Variants in NUDT19 observed in about 807,000 individuals in gnomAD.
The protein encoded by NUDT19 is nudix hydrolase 19.
In NUDT19, 31 loss-of-function variants were observed where a neutral mutation model predicts 22.2. The ratio of observed to expected loss-of-function variants is 1.40; its 90% CI spans 1.05 to 1.89. The LOEUF (loss-of-function observed/expected upper bound fraction) is 1.89. Among genes scored for constraint, NUDT19 ranks in the 40% most tolerant of loss-of-function variants. The pLI is 0.00. For synonymous variants in NUDT19, 325 were observed against 230.8 expected, an observed-to-expected ratio of 1.41 and a Z score of -3.70; for missense variants, 752 against 514.2, an observed-to-expected ratio of 1.46 and a Z score of -4.47.
intron 1 of NUDT19, among the ~76,000 whole-genome samples, chr19:32,692,910 A>C (rs1206019183): frequency 6.6e-6 from 1 of 152,278 alleles, no homozygotes; most frequent in East Asian, 1.9e-4. Context: ...CTGTCTCTCC[A>C]CGTGGTTCCT....
chr19:32,703,465 C>G (rs949316060), intron 1 of NUDT19, among the ~76,000 whole-genome samples: 1 of 152,086 alleles, frequency 6.6e-6, no homozygotes, highest in African/African-American at 2.4e-5. Flanking sequence ...TCTCCTGCCT[C>G]AGCCTCCCAG....
At position 32,694,948 on chromosome 19, in the gene NUDT19, A is replaced by C. The variant is rs189489412; in HGVS notation, c.714+2274A>C. Among the ~76,000 whole-genome samples, 5 of 152,324 alleles carry C rather than the reference A, an allele frequency of 3.3e-5. No homozygotes were observed. The East Asian group carries it at 7.7e-4, about 24-fold the overall frequency. On this transcript the variant is annotated intron_variant, in intron 1 of 2. Coordinates refer to ENST00000397061, the MANE Select transcript of NUDT19 (RefSeq NM_001105570.2). ...CTTTTTCCTTAATCGCCCAGGAGGA[A>C]ACATCTATCATCCTGTCCTGAAGGG...
chr19:32,701,091 A>G lies in NUDT19; in HGVS notation c.715-8094A>G, dbSNP rs529192979. Among the ~76,000 whole-genome samples, 86 of 150,946 alleles carry G rather than the reference A, an allele frequency of 5.7e-4. 1 individual carries two copies. The highest frequency in any genetic ancestry group is 1.1e-3 in the Non-Finnish European group (76 of 67,934). On this transcript the variant is annotated intron_variant, in intron 1 of 2. Coordinates refer to ENST00000397061, the MANE Select transcript of NUDT19 (RefSeq NM_001105570.2). Reference sequence around the variant, plus strand: ...TGTTTTATGGCCATGAATATGTTCTATCTTGGTGAATGTTCCCTTTGCACC... The same window carrying G: ...TGTTTTATGGCCATGAATATGTTCTGTCTTGGTGAATGTTCCCTTTGCACC...
At position 32,692,085 on chromosome 19, in the gene NUDT19, T is replaced by G; in HGVS notation, c.125T>G (p.Phe42Cys). ...TCGCGCCCGCCGCCGGCCGAGGGCT[T>G]CCGGCTGCTGCTGCTGCAGCGCTCC... Reference protein sequence around the residue: ...PPSRPPPAEGFRLLLLQRSPH... With the variant: ...PPSRPPPAEGCRLLLLQRSPH... Residue 42 changes from phenylalanine (F) to cysteine (C), a missense_variant, in exon 1 of 3, where the codon TTC becomes TGC. Coordinates refer to ENST00000397061, the MANE Select transcript of NUDT19 (RefSeq NM_001105570.2). The G allele has an allele frequency of 7.4e-7, 1 of 1,344,404 alleles. No homozygotes were observed. The highest frequency in any genetic ancestry group is 9.5e-7 in the Non-Finnish European group (1 of 1,051,520). The allele number at this position is 1,344,404 out of a possible 1,614,324, so 83.3% of individuals were successfully genotyped here.
rs746085881 is a variant in NUDT19 at position 32,695,944 on chromosome 19, C to T, written c.714+3270C>T. Among the ~76,000 whole-genome samples the T allele has an allele frequency of 7.2e-4, 109 of 152,212 alleles. 1 individual carries two copies. Among genetic ancestry groups the T allele is most frequent in the Non-Finnish European group, 1.2e-3 (80 of 68,046 alleles). ...GGGGGAAGAGGTTTACTTTCAAGTACGGTTACATCACTAACTGTGGCATAA... is the reference window on the plus strand; with the variant it reads ...GGGGGAAGAGGTTTACTTTCAAGTATGGTTACATCACTAACTGTGGCATAA... On this transcript the variant is annotated intron_variant, in intron 1 of 2. Transcript: ENST00000397061.
At chr19:32,697,847 A>C (rs1968283260) in intron 1 of NUDT19, among the ~76,000 whole-genome samples, 1 of 152,170 alleles carries the variant, frequency 6.6e-6, no homozygotes, top group Non-Finnish European at 1.5e-5. Context: ...AAGCTTCCCA[A>C]GGTCTGCCTT....
chr19:32,712,881 T>C lies in NUDT19; in HGVS notation c.*924T>C, dbSNP rs1273489619. Reference sequence around the variant, plus strand: ...CAAAAATTTAAATAACATGTTCTGCTGTTTATTGTTCTTGTTATCCACTGT... The same window carrying C: ...CAAAAATTTAAATAACATGTTCTGCCGTTTATTGTTCTTGTTATCCACTGT... On this transcript the variant is annotated 3_prime_UTR_variant, in exon 3 of 3. Coordinates refer to ENST00000397061, the MANE Select transcript of NUDT19 (RefSeq NM_001105570.2). 6.6e-6 allele frequency: 1 copy of C among 152,242 alleles called. No homozygotes were observed. Among genetic ancestry groups the C allele is most frequent in the African/African-American group, 2.4e-5 (1 of 41,462 alleles). 9.4% of individuals were successfully genotyped at this position (152,242 alleles called of 1,614,324 possible).
chr19:32,707,443 T>C (rs534884751), intron 1 of NUDT19, among the ~76,000 whole-genome samples: 8 of 152,224 alleles, frequency 5.3e-5, no homozygotes, highest in Non-Finnish European at 1.2e-4. Context: ...CTTGCAAACC[T>C]TTGACCTACA....
intron 1 of NUDT19, among the ~76,000 whole-genome samples, chr19:32,693,203 T>C (rs969673643): frequency 6.6e-6 from 1 of 152,192 alleles, no homozygotes; most frequent in South Asian, 2.1e-4. Context: ...TTCTTAAAGA[T>C]GGTGTGTCCA....
At chr19:32,710,307 C>T (rs1366501425) in intron 2 of NUDT19, among the ~76,000 whole-genome samples, 12 of 151,454 alleles carry the variant, frequency 7.9e-5, no homozygotes, top group African/African-American at 2.2e-4. Flanking sequence ...AGCCACTGTG[C>T]CCAGCCAACT....
intron 1 of NUDT19, among the ~76,000 whole-genome samples, chr19:32,699,304 C>T (rs1224174543): frequency 6.6e-6 from 1 of 152,162 alleles, no homozygotes; most frequent in South Asian, 2.1e-4. Flanking sequence ...GGCATTAGGA[C>T]CCAGGAGGCA....
intron 1 of NUDT19, among the ~76,000 whole-genome samples, chr19:32,692,952 T>C (rs1376247880): frequency 2.0e-5 from 3 of 152,382 alleles, no homozygotes; most frequent in Non-Finnish European, 1.5e-5. Context: ...CACTTGTACA[T>C]GTGTAGACAT....
Position 32,692,087 on chromosome 19 carries a change from C to T in NUDT19, c.127C>T (p.Arg43Trp), listed in dbSNP as rs200386314. The change falls in exon 1 of 3, where the codon CGG becomes TGG. Residue 43 changes from arginine to tryptophan, a missense_variant. Physicochemically the swap from Arg to Trp is moderately radical, Grantham distance 101. Coordinates refer to ENST00000397061, the MANE Select transcript of NUDT19 (RefSeq NM_001105570.2). The stretch of plus-strand genomic sequence containing the variant: ...GCGCCCGCCGCCGGCCGAGGGCTTC[C>T]GGCTGCTGCTGCTGCAGCGCTCCCC... ...PSRPPPAEGF[R>W]LLLLQRSPHQ... 0.012 allele frequency: 16,732 copies of T among 1,347,544 alleles called. 101 individuals are homozygous for T. The highest frequency in any genetic ancestry group is 0.014 in the Non-Finnish European group (15,245 of 1,053,216). The allele number at this position is 1,347,544 out of a possible 1,614,324, so 83.5% of individuals were successfully genotyped here. A position where few individuals can be genotyped will look rare whatever the true frequency, so the allele number is the denominator to read the frequency against.
At chr19:32,696,977 C>G (rs896813409) in intron 1 of NUDT19, among the ~76,000 whole-genome samples, 5 of 152,124 alleles carry the variant, frequency 3.3e-5, no homozygotes, top group African/African-American at 1.2e-4. Flanking sequence ...AACCTTTGTC[C>G]TCTGGGGCAG....
chr19:32,709,537 T>A, intron 2 of NUDT19, 145 bp downstream of exon 2: 1 of 644,836 alleles, frequency 1.6e-6, no homozygotes, highest in Non-Finnish European at 2.7e-6. Flanking sequence ...TCAAAGCCTA[T>A]AAAATATCCA....
chr19:32,693,056 G>T (rs1295449715), intron 1 of NUDT19, among the ~76,000 whole-genome samples: 1 of 152,198 alleles, frequency 6.6e-6, no homozygotes, highest in Non-Finnish European at 1.5e-5. Context: ...GGTACAGATG[G>T]GGGTCTTGTC....
chr19:32,706,881 A>G (rs1198630654), intron 1 of NUDT19, among the ~76,000 whole-genome samples: 1 of 152,092 alleles, frequency 6.6e-6, no homozygotes, highest in African/African-American at 2.4e-5. Context: ...TGCTTCCCAA[A>G]TTCTGCTGTA....
intron 1 of NUDT19, among the ~76,000 whole-genome samples, chr19:32,706,001 A>G (rs1383487357): frequency 6.6e-6 from 1 of 152,044 alleles, no homozygotes; most frequent in Non-Finnish European, 1.5e-5. Flanking sequence ...GCCCCAGGTG[A>G]CCTCTGGGAG....
At chr19:32,708,746 T>C (rs990677383) in intron 1 of NUDT19, among the ~76,000 whole-genome samples, 1 of 152,166 alleles carries the variant, frequency 6.6e-6, no homozygotes, top group Non-Finnish European at 1.5e-5. Flanking sequence ...TAGGAGAGCT[T>C]TGTGGTGTCC....
Sources: allele counts gnomAD v4.1 joint callset (sites outside exome capture counted in the v4.1 genomes callset), GRCh38; gene constraint gnomAD v4.1.1; transcripts MANE v1.5; gene names NCBI Gene and HGNC (gene_info 2026-07-23, HGNC 2026-07-21).